The following SLX4IP variants were observed in gnomAD, a reference collection of about 807,000 sequenced individuals.
SLX4IP encodes SLX4 interacting protein.
A neutral mutation model predicts 32.9 loss-of-function variants in SLX4IP; 34 were observed. That is an observed-to-expected ratio of 1.03 (90% CI 0.79 to 1.38). The LOEUF (loss-of-function observed/expected upper bound fraction) is 1.38. Among genes scored for constraint, SLX4IP ranks in the 40% most tolerant of loss-of-function variants. SLX4IP has a pLI of 0.00. For synonymous variants in SLX4IP, 172 were observed against 171.7 expected (o/e 1.00, Z -0.01); for missense variants, 444 against 479.0 (o/e 0.93, Z 0.68).
rs2067148641 is a variant in SLX4IP, at chr20:10,624,253, A to G, written c.*874A>G. 6.6e-6 allele frequency: 1 copy of G among 152,332 alleles called. No homozygotes were observed. Among genetic ancestry groups the G allele is most frequent in the East Asian group, 1.9e-4 (1 of 5,182 alleles). The allele number at this position is 152,332 out of a possible 1,614,324, so 9.4% of individuals were successfully genotyped here. A position where few individuals can be genotyped will look rare whatever the true frequency, so the allele number is the denominator to read the frequency against. ...GCTCGTTGTTGCCTGTAGCTCAAGC[A>G]TGTCCCAGTCCCTGCTCTTGCACCC... On this transcript the variant is annotated 3_prime_UTR_variant, in exon 8 of 8. Coordinates refer to ENST00000334534, the MANE Select transcript of SLX4IP (RefSeq NM_001009608.3).
At chr20:10,573,104 C>T (rs946920699) in intron 4 of SLX4IP, among the ~76,000 whole-genome samples, 2 of 152,226 alleles carry the variant, frequency 1.3e-5, no homozygotes, top group East Asian at 1.9e-4. Flanking sequence ...GACACAGGCT[C>T]ATTGTGAGCC....
At chr20:10,532,599 GC>G (rs1240687016) in intron 2 of SLX4IP, among the ~76,000 whole-genome samples, 4 of 152,170 alleles carry the variant, frequency 2.6e-5, no homozygotes, top group African/African-American at 9.6e-5. Flanking sequence ...TTCACCTGAG[GC>G]CCCCTGGTGA....
intron 2 of SLX4IP, among the ~76,000 whole-genome samples, chr20:10,464,943 C>T (rs2065367916): frequency 6.6e-6 from 1 of 152,148 alleles, no homozygotes; most frequent in African/African-American, 2.4e-5. Flanking sequence ...GCGGCACTGC[C>T]ACCGCACAGC....
In SLX4IP at chr20:10,570,286, G is replaced by A. The variant is rs149013849; in HGVS notation, c.238+9466G>A. Among the ~76,000 whole-genome samples the A allele has an allele frequency of 2.1e-4, 32 of 152,346 alleles. 1 individual carries two copies. The East Asian group carries it at 6.0e-3, about 29-fold the overall frequency. On this transcript the variant is annotated intron_variant, in intron 4 of 7. Transcript: ENST00000334534. Reference sequence around the variant, plus strand: ...GTTCCAGCTGTTAACTCTCTCAGCAGCTAACTCTTACTCCCTGGGGGACAT... The same window carrying A: ...GTTCCAGCTGTTAACTCTCTCAGCAACTAACTCTTACTCCCTGGGGGACAT...
At chr20:10,491,336 T>C (rs1482586775) in intron 2 of SLX4IP, among the ~76,000 whole-genome samples, 1 of 152,206 alleles carries the variant, frequency 6.6e-6, no homozygotes, top group Admixed American at 6.5e-5. Flanking sequence ...CCCCTGTTTT[T>C]TTCTCATATT....
At chr20:10,490,204 A>G (rs1040342262) in intron 2 of SLX4IP, among the ~76,000 whole-genome samples, 4 of 138,312 alleles carry the variant, frequency 2.9e-5, no homozygotes, top group Non-Finnish European at 6.3e-5. Context: ...TTTTTTTTTT[A>G]GACTAAAACT....
At chr20:10,510,608 TA>T (rs1319701010) in intron 2 of SLX4IP, among the ~76,000 whole-genome samples, 9 of 115,848 alleles carry the variant, frequency 7.8e-5, no homozygotes, top group Admixed American at 9.1e-5. Flanking sequence ...TTATTTTTAT[TA>T]TTTTTTTTTT....
chr20:10,592,418 G>T (rs553654935), intron 4 of SLX4IP, among the ~76,000 whole-genome samples: 1 of 151,682 alleles, frequency 6.6e-6, no homozygotes, highest in Non-Finnish European at 1.5e-5. Context: ...CCCCATCAAG[G>T]CTTTTTCATA....
At chr20:10,608,796 T>C (rs920076185) in intron 6 of SLX4IP, among the ~76,000 whole-genome samples, 1 of 152,058 alleles carries the variant, frequency 6.6e-6, no homozygotes, top group African/African-American at 2.4e-5. Context: ...AACGCCACAT[T>C]AACAGACTGC....
intron 2 of SLX4IP, among the ~76,000 whole-genome samples, chr20:10,532,323 C>T (rs1293310765): frequency 6.6e-6 from 1 of 151,752 alleles, no homozygotes; most frequent in African/African-American, 2.4e-5. Flanking sequence ...ATACATACAA[C>T]ATCACATTGT....
chr20:10,488,429 A>G (rs1349895725), intron 2 of SLX4IP, among the ~76,000 whole-genome samples: 2 of 152,104 alleles, frequency 1.3e-5, no homozygotes, highest in East Asian at 3.9e-4. Flanking sequence ...GAAGGAACCA[A>G]CCCTGCTGAC....
chr20:10,468,154 C>A (rs1033617587), intron 2 of SLX4IP, among the ~76,000 whole-genome samples: 44 of 152,192 alleles, frequency 2.9e-4, no homozygotes, highest in African/African-American at 1.0e-3. Context: ...GCTGCCTCCA[C>A]ACACCCTGGG....
At chr20:10,546,734 T>C (rs1195893428) in intron 2 of SLX4IP, among the ~76,000 whole-genome samples, 1 of 152,176 alleles carries the variant, frequency 6.6e-6, no homozygotes, top group African/African-American at 2.4e-5. Flanking sequence ...GGGCTAGGAT[T>C]TGAAGTCAGG....
At chr20:10,559,184 C>A (rs1287280460) in intron 3 of SLX4IP, among the ~76,000 whole-genome samples, 1 of 151,246 alleles carries the variant, frequency 6.6e-6, no homozygotes, top group Admixed American at 6.6e-5. Context: ...TGAACAATGC[C>A]GAAACACTCA....
At chr20:10,500,729 T>A (rs935974417) in intron 2 of SLX4IP, among the ~76,000 whole-genome samples, 3 of 152,152 alleles carry the variant, frequency 2.0e-5, no homozygotes, top group African/African-American at 7.2e-5. Flanking sequence ...CTAGCCTGGA[T>A]GACAGAGCGA....
At chr20:10,622,208 G>A (rs180824880) in intron 7 of SLX4IP, among the ~76,000 whole-genome samples, 1 of 152,218 alleles carries the variant, frequency 6.6e-6, no homozygotes, top group East Asian at 1.9e-4. Context: ...GGTTATATTT[G>A]GGTAACATCT....
chr20:10,546,203 C>A (rs1472484911), intron 2 of SLX4IP, among the ~76,000 whole-genome samples: 1 of 152,162 alleles, frequency 6.6e-6, no homozygotes, highest in Non-Finnish European at 1.5e-5. Context: ...TGTTTCCCAG[C>A]CACTTTGCAC....
At chr20:10,473,992 T>C (rs903564630) in intron 2 of SLX4IP, among the ~76,000 whole-genome samples, 2 of 152,020 alleles carry the variant, frequency 1.3e-5, no homozygotes, top group African/African-American at 4.8e-5. Flanking sequence ...CTGGCTAATT[T>C]TTGTATTTTT....
At chr20:10,532,735 A>G (rs661002) in intron 2 of SLX4IP, among the ~76,000 whole-genome samples, 30,296 of 151,876 alleles carry the variant, frequency 0.2, 3,652 homozygotes, top group Admixed American at 0.27. Flanking sequence ...CATACTGAAT[A>G]GAAAAGCTGA....
Sources: allele counts gnomAD v4.1 joint callset (sites outside exome capture counted in the v4.1 genomes callset), GRCh38; gene constraint gnomAD v4.1.1; transcripts MANE v1.5; gene names NCBI Gene and HGNC (gene_info 2026-07-23, HGNC 2026-07-21).